LGR5: variants seen among roughly 807,000 people sequenced by gnomAD.
The protein encoded by LGR5 is leucine-rich repeat-containing G protein-coupled receptor 5.
Under a neutral mutation model 76.7 loss-of-function variants are expected in LGR5, and 54 were observed. The observed-to-expected ratio is 0.70, with a 90% CI of 0.57 to 0.88. The LOEUF is 0.88. Ranked by LOEUF, LGR5 falls within the 40% of genes least tolerant of loss-of-function variation. The probability of loss-of-function intolerance (pLI) is 0.00; values close to 1 mark genes in which losing one functional copy is unlikely to be tolerated. For synonymous variants in LGR5, 406 were observed against 421.9 expected (o/e 0.96, Z 0.46); for missense variants, 1,078 against 1,073.3 (o/e 1.00, Z -0.06).
intron 13 of LGR5, among the ~76,000 whole-genome samples, chr12:71,576,946 T>G (rs1293916156): frequency 6.6e-6 from 1 of 152,130 alleles, no homozygotes; most frequent in Non-Finnish European, 1.5e-5. Flanking sequence ...TTTCCTCCCC[T>G]TGTTAGCTGC....
intron 1 of LGR5, among the ~76,000 whole-genome samples, chr12:71,486,417 C>T (rs1420212801): frequency 6.6e-6 from 1 of 152,064 alleles, no homozygotes; most frequent in Admixed American, 6.6e-5. Context: ...GGGGAGTCAA[C>T]ATCATGACTA....
rs1405265659 is a variant in LGR5, at chr12:71,440,362, T to G, written c.212+70T>G. ...AAGGAAGGTTCGTCCAAGGCGAGGC[T>G]GGAGGCTCCTCGGCGCCCGCCTGCT... On this transcript the variant is annotated intron_variant, in intron 1 of 17. Coordinates refer to ENST00000266674, the MANE Select transcript of LGR5 (RefSeq NM_003667.4). The surrounding 1 kb of genome is among the most constrained non-coding windows in gnomAD (Gnocchi z 5.3). 5.4e-6 allele frequency: 8 copies of G among 1,478,662 alleles called. No homozygotes were observed. The highest frequency in any genetic ancestry group is 6.5e-6 in the Non-Finnish European group (7 of 1,078,166). The allele number at this position is 1,478,662 out of a possible 1,614,324, so 91.6% of individuals were successfully genotyped here.
chr12:71,567,751 G>C (rs1939907980), intron 11 of LGR5, among the ~76,000 whole-genome samples: 1 of 152,130 alleles, frequency 6.6e-6, no homozygotes, highest in South Asian at 2.1e-4. Flanking sequence ...TCAGACTCCA[G>C]TTGCTCAATG....
intron 4 of LGR5, among the ~76,000 whole-genome samples, chr12:71,551,350 T>C: frequency 6.6e-6 from 1 of 152,208 alleles, no homozygotes; most frequent in Non-Finnish European, 1.5e-5. Context: ...ATTGTTTAAT[T>C]TTGGTTTGCA....
In LGR5 at chr12:71,580,261, G is replaced by T. The variant is rs1310627271; in HGVS notation, c.1407-17G>T. The T allele has an allele frequency of 3.2e-6, 5 of 1,580,932 alleles. No homozygotes were observed. The highest frequency in any genetic ancestry group is 1.9e-5 in the Admixed American group (1 of 52,426). On this transcript the variant is annotated splice_polypyrimidine_tract_variant and intron_variant, in intron 15 of 17. Coordinates refer to ENST00000266674, the MANE Select transcript of LGR5 (RefSeq NM_003667.4). ...GTTTCTTTAAGTGTTTTTTGTTTGG[G>T]TTTTGTTCATTTAAAGGGTTATAGA...
intron 4 of LGR5, among the ~76,000 whole-genome samples, chr12:71,536,267 C>A (rs530915945): frequency 1.3e-5 from 2 of 152,282 alleles, no homozygotes; most frequent in South Asian, 2.1e-4. Context: ...TTGCTTAATG[C>A]GTTTTACCGA....
intron 3 of LGR5, among the ~76,000 whole-genome samples, chr12:71,529,855 C>T (rs1467904209): frequency 2.0e-5 from 3 of 151,538 alleles, no homozygotes. Context: ...ACTTGGGAGG[C>T]TGAGGCACAA....
In LGR5 at chr12:71,440,172, T is replaced by C. The variant is rs756666957; in HGVS notation, c.92T>C (p.Leu31Pro). ...GGSSPRSGVL[L>P]RGCPTHCHCE... ...AGCTCTCCCAGGTCTGGTGTGTTGCTGAGGGGCTGCCCCACACACTGTCAT... is the reference window on the plus strand; with the variant it reads ...AGCTCTCCCAGGTCTGGTGTGTTGCCGAGGGGCTGCCCCACACACTGTCAT... The change falls in exon 1 of 18, where the codon CTG (leucine) becomes CCG (proline). Residue 31 changes from leucine to proline, a missense_variant. Coordinates refer to ENST00000266674, the MANE Select transcript of LGR5 (RefSeq NM_003667.4). The surrounding 1 kb of genome is among the most constrained non-coding windows in gnomAD (Gnocchi z 5.3). 1.1e-5 allele frequency: 17 copies of C among 1,611,784 alleles called. No individual in the cohort carries two copies. In the Admixed American group the frequency reaches 2.8e-4, roughly 27 times the overall value.
At chr12:71,447,925 C>G (rs995126368) in intron 1 of LGR5, among the ~76,000 whole-genome samples, 3 of 152,178 alleles carry the variant, frequency 2.0e-5, no homozygotes, top group Non-Finnish European at 2.9e-5. Flanking sequence ...GCCTGCCAGG[C>G]GAAATTAAGC....
At chr12:71,540,997 A>G (rs1876847226) in intron 4 of LGR5, among the ~76,000 whole-genome samples, 2 of 152,298 alleles carry the variant, frequency 1.3e-5, no homozygotes, top group South Asian at 4.1e-4. Context: ...CAAAAGTGCC[A>G]GGGTATTAGG....
At chr12:71,570,824 G>A (rs1014717094) in intron 11 of LGR5, among the ~76,000 whole-genome samples, 1 of 152,136 alleles carries the variant, frequency 6.6e-6, no homozygotes, top group African/African-American at 2.4e-5. Context: ...TTAGAATCAG[G>A]CATGAAAATG....
chr12:71,570,435 A>G (rs1212833739), intron 11 of LGR5, among the ~76,000 whole-genome samples: 1 of 152,184 alleles, frequency 6.6e-6, no homozygotes, highest in African/African-American at 2.4e-5. Context: ...GAGGTAGACA[A>G]TGAAGGAGTA....
At chr12:71,536,268 G>C (rs994341857) in intron 4 of LGR5, among the ~76,000 whole-genome samples, 7 of 152,158 alleles carry the variant, frequency 4.6e-5, no homozygotes, top group Non-Finnish European at 2.9e-5. Context: ...TGCTTAATGC[G>C]TTTTACCGAG....
chr12:71,572,825 A>G (rs1471128052), intron 12 of LGR5, 25 bp from the exon 13 acceptor site: 1 of 1,593,114 alleles, frequency 6.3e-7, no homozygotes, highest in Non-Finnish European at 8.6e-7. Context: ...CTTTGAAATC[A>G]ATCTTTGGAA....
At chr12:71,524,332 A>C in intron 2 of LGR5, 74 bp from the exon 3 acceptor site, 1 of 1,108,938 alleles carries the variant, frequency 9.0e-7, no homozygotes, top group Non-Finnish European at 1.3e-6. Flanking sequence ...GTTGTATTGC[A>C]TTTTTTTAAC....
intron 1 of LGR5, among the ~76,000 whole-genome samples, chr12:71,500,159 G>GA (rs1004041582): frequency 3.6e-4 from 53 of 146,280 alleles, no homozygotes; most frequent in Admixed American, 6.8e-4. Context: ...TCTGTAAAAT[G>GA]AAAAAAAAAA....
At chr12:71,576,638 A>G (rs1215281948) in intron 13 of LGR5, among the ~76,000 whole-genome samples, 1 of 152,192 alleles carries the variant, frequency 6.6e-6, no homozygotes, top group East Asian at 1.9e-4. Context: ...GCACGGGCTC[A>G]TGAATTGAAA....
chr12:71,465,760 A>G (rs1872838803), intron 1 of LGR5, among the ~76,000 whole-genome samples: 2 of 152,234 alleles, frequency 1.3e-5, no homozygotes, highest in African/African-American at 4.8e-5. Flanking sequence ...TTTTTCAGGT[A>G]ACATAAACTG....
chr12:71,567,847 T>C (rs1627071), intron 11 of LGR5, among the ~76,000 whole-genome samples: 133,999 of 152,082 alleles, frequency 0.88, 61,024 homozygotes, highest in East Asian at 1. Flanking sequence ...AATCTTTCTT[T>C]GCCCTACCCC....
Sources: allele counts gnomAD v4.1 joint callset (sites outside exome capture counted in the v4.1 genomes callset), GRCh38; gene constraint gnomAD v4.1.1; non-coding constraint Gnocchi (gnomAD v3.1); transcripts MANE v1.5; gene names NCBI Gene and HGNC (gene_info 2026-07-23, HGNC 2026-07-21).